Variants in ECPAS observed in about 807,000 individuals in gnomAD.
ECPAS encodes proteasome adapter and scaffold protein ECM29.
ECPAS carries 70 observed loss-of-function variants against 255.1 expected under a neutral mutation model. The ratio of observed to expected loss-of-function variants is 0.27; its 90% CI spans 0.23 to 0.33. The LOEUF (loss-of-function observed/expected upper bound fraction) is 0.33, where lower values mean the gene tolerates loss of function less well. Among genes scored for constraint, ECPAS ranks in the 10% least tolerant of loss-of-function variants. The pLI, the probability that ECPAS is intolerant of heterozygous loss-of-function variation, is 1.00. For synonymous variants in ECPAS, 784 were observed against 775.0 expected (o/e 1.01, Z -0.19); for missense variants, 1,817 against 2,206.4 (o/e 0.82, Z 3.54).
At chr9:111,417,858 A>T in intron 17 of ECPAS, 25 bp downstream of exon 17, 1 of 1,531,206 alleles carries the variant, frequency 6.5e-7, no homozygotes, top group Non-Finnish European at 8.8e-7. Flanking sequence ...GATTTAGACT[A>T]ATTACCTTAA....
chr9:111,364,581 G>A (rs1221956769), intron 48 of ECPAS, among the ~76,000 whole-genome samples: 1 of 152,070 alleles, frequency 6.6e-6, no homozygotes, highest in African/African-American at 2.4e-5. Context: ...AATTGGTTCA[G>A]GGAAGAATCA....
Position 111,393,673 on chromosome 9 carries a change from A to C in ECPAS, c.2977+7T>G, listed in dbSNP as rs752273753. On this transcript the variant is annotated splice_region_variant and intron_variant, in intron 27 of 49. Transcript: ENST00000684092. Reference sequence around the variant, plus strand: ...TTAAGTTTAGAAATCAAATATTAACAACCTACCATCATTTTCTGATAGAAC... The same window carrying C: ...TTAAGTTTAGAAATCAAATATTAACCACCTACCATCATTTTCTGATAGAAC... 40 of 1,521,276 alleles carry C rather than the reference A, an allele frequency of 2.6e-5. No individual in the cohort carries two copies. In the South Asian group the frequency reaches 3.0e-4, roughly 11 times the overall value. The allele number at this position is 1,521,276 out of a possible 1,614,324, so 94.2% of individuals were successfully genotyped here. A position where few individuals can be genotyped will look rare whatever the true frequency, so the allele number is the denominator to read the frequency against.
chr9:111,425,989 AG>A (rs2098220962), intron 10 of ECPAS, among the ~76,000 whole-genome samples, 161 bp from the exon 11 acceptor site: 4 of 152,262 alleles, frequency 2.6e-5, no homozygotes. Context: ...AAAGCCAATC[AG>A]AAGCTCCTAT....
rs201799124 is a variant in ECPAS at position 111,383,279 on chromosome 9, G to A, written c.3735C>T (p.Ile1245=). 498 of 1,613,380 alleles carry A rather than the reference G, an allele frequency of 3.1e-4. No individual in the cohort carries two copies. Among genetic ancestry groups the A allele is most frequent in the Non-Finnish European group, 3.9e-4 (460 of 1,179,632 alleles). ...CCAGAAGGCAAGGCAGAAGGGCAGC[G>A]ATGGTTCTCTGGCCAGCTGCTCCTT... ...PAKGAAGQRT[I]AALLPCLLDK... is the part of the protein sequence containing the mutation. Residue 1245 remains isoleucine (I), a synonymous_variant, in exon 35 of 50, where the codon ATC becomes ATT. Transcript: ENST00000684092.
In ECPAS at chr9:111,378,781, G is replaced by A; in HGVS notation, c.3804-51C>T. 4 of 1,534,488 alleles carry A rather than the reference G, an allele frequency of 2.6e-6. No individual in the cohort carries two copies. In the South Asian group the frequency reaches 4.9e-5, roughly 19 times the overall value. On this transcript the variant is annotated intron_variant, in intron 35 of 49. Transcript: ENST00000684092. ...TGAGTCCTTTTAACAAAAGTGAGAA[G>A]ACCTACAAATCTAACCATGAGGATG...
intron 2 of ECPAS, among the ~76,000 whole-genome samples, chr9:111,452,750 T>C (rs185704160): frequency 4.5e-4 from 69 of 152,194 alleles, no homozygotes; most frequent in Non-Finnish European, 2.8e-4. Flanking sequence ...GATCAACAGA[T>C]TGATCGATCA....
At chr9:111,370,186 GGAT>G (rs756268155) in intron 45 of ECPAS, among the ~76,000 whole-genome samples, 1 of 152,172 alleles carries the variant, frequency 6.6e-6, no homozygotes, top group Non-Finnish European at 1.5e-5. Context: ...TGGACCATGA[GGAT>G]GATGACCACA....
chr9:111,373,481 A>C, intron 39 of ECPAS, 75 bp from the exon 40 acceptor site: 1 of 1,162,146 alleles, frequency 8.6e-7, no homozygotes. Context: ...AACCCAAACA[A>C]ACCTAACCCT....
chr9:111,432,527 T>C (rs2098231592), intron 8 of ECPAS, among the ~76,000 whole-genome samples: 1 of 152,200 alleles, frequency 6.6e-6, no homozygotes, highest in South Asian at 2.1e-4. Context: ...GGCATGAGAA[T>C]CGCTTGAACC....
intron 1 of ECPAS, among the ~76,000 whole-genome samples, chr9:111,483,274 C>A (rs911245388): frequency 1.3e-5 from 2 of 152,000 alleles, no homozygotes; most frequent in Non-Finnish European, 2.9e-5. Flanking sequence ...CCGCCCGGGG[C>A]TCCGGTTTCA....
chr9:111,361,934 G>C lies in ECPAS; in HGVS notation c.*96C>G, dbSNP rs1214662042. Reference sequence around the variant, plus strand: ...CAGCCAAGGAATGATGCATGCTACAGATTAATCTTTACTTTTTCCCACTTG... The same window carrying C: ...CAGCCAAGGAATGATGCATGCTACACATTAATCTTTACTTTTTCCCACTTG... On this transcript the variant is annotated 3_prime_UTR_variant, in exon 50 of 50. Coordinates refer to ENST00000684092, the MANE Select transcript of ECPAS (RefSeq NM_001364929.1). 2 of 1,417,130 alleles carry C rather than the reference G, an allele frequency of 1.4e-6. No individual in the cohort carries two copies. Among genetic ancestry groups the C allele is most frequent in the South Asian group, 2.8e-5 (2 of 71,866 alleles). 87.8% of individuals were successfully genotyped at this position (1,417,130 alleles called of 1,614,324 possible).
chr9:111,373,446 AC>A lies in ECPAS; in HGVS notation c.4178-41del, dbSNP rs1267010429. ...GAGAAAAAAATCTGATACTTGGTTGACCAAATGTTCCACTCTGTTCCCAGAA... is the reference window on the plus strand; with the variant it reads ...GAGAAAAAAATCTGATACTTGGTTGACAAATGTTCCACTCTGTTCCCAGAA... On this transcript the variant is annotated intron_variant, in intron 39 of 49. Transcript: ENST00000684092. 3 of 1,552,454 alleles carry A rather than the reference AC, an allele frequency of 1.9e-6. No homozygotes were observed. The Admixed American group carries it at 5.1e-5, about 26-fold the overall frequency.
In ECPAS at chr9:111,422,125, T is replaced by C. The variant is rs2098214971; in HGVS notation, c.1332+9A>G. ...ACACAAAGCATAAACTTAGCAGCTG[T>C]TTCCCTACCTTGCAAAGGGCTTCAA... On this transcript the variant is annotated intron_variant, in intron 14 of 49. Transcript: ENST00000684092. The C allele has an allele frequency of 6.2e-7, 1 of 1,613,846 alleles. No individual in the cohort carries two copies. Among genetic ancestry groups the C allele is most frequent in the East Asian group, 2.2e-5 (1 of 44,880 alleles).
At chr9:111,366,447 T>C (rs965553630) in intron 47 of ECPAS, 75 bp downstream of exon 47, 90 of 1,333,296 alleles carry the variant, frequency 6.8e-5, no homozygotes, top group Non-Finnish European at 8.5e-5. Context: ...TTTAAATGTA[T>C]AAAAATTCCA....
intron 35 of ECPAS, among the ~76,000 whole-genome samples, chr9:111,379,246 G>GT (rs2098137544): frequency 6.6e-6 from 1 of 152,080 alleles, no homozygotes; most frequent in African/African-American, 2.4e-5. Flanking sequence ...AATACCTTGG[G>GT]GATACTGCAG....
chr9:111,480,225 T>G (rs1342200557), intron 1 of ECPAS, among the ~76,000 whole-genome samples: 1 of 150,560 alleles, frequency 6.6e-6, no homozygotes, highest in Non-Finnish European at 1.5e-5. Context: ...CTACTAGTCA[T>G]AAATGATAGA....
intron 25 of ECPAS, among the ~76,000 whole-genome samples, chr9:111,394,830 T>C (rs747822175): frequency 5.3e-5 from 8 of 152,132 alleles, no homozygotes; most frequent in Non-Finnish European, 7.4e-5. Context: ...GTCTAGACAT[T>C]ACCAAGTGTC....
At chr9:111,483,955 C>CCTCG (rs1367210760) in intron 1 of ECPAS, 161 bp downstream of exon 1, 1 of 973,094 alleles carries the variant, frequency 1.0e-6, no homozygotes, top group Non-Finnish European at 1.2e-6. Context: ...GCCCGCCCGC[C>CCTCG]CTCGCTCGCT....
At chr9:111,451,085 AATTAACTAAAGAATATTTTTGCCCC>A (rs1273706303) in intron 3 of ECPAS, among the ~76,000 whole-genome samples, 3 of 152,186 alleles carry the variant, frequency 2.0e-5, no homozygotes, top group Non-Finnish European at 4.4e-5. Context: ...CATTGTCAAC[AATTAACTAAAGAATATTTTTGCCCC>A]ATTACCACAT....
Sources: gnomAD v4.1 joint callset for allele counts (sites outside exome capture counted in the v4.1 genomes callset) on GRCh38, gnomAD v4.1.1 for gene constraint, MANE v1.5 for transcripts, NCBI Gene and HGNC (gene_info 2026-07-23, HGNC 2026-07-21) for gene names.